SEPHS1: variants seen among roughly 807,000 people sequenced by gnomAD.
The protein encoded by SEPHS1 is zincore component SEPHS1.
SEPHS1 carries 7 observed loss-of-function variants against 39.2 expected under a neutral mutation model. The ratio of observed to expected loss-of-function variants is 0.18; its 90% CI spans 0.10 to 0.34. The LOEUF is 0.34. Among genes scored for constraint, SEPHS1 ranks in the 10% least tolerant of loss-of-function variants. SEPHS1 has a pLI of 1.00. For missense variants in SEPHS1, 253 were observed against 514.5 expected, an observed-to-expected ratio of 0.49 and a Z score of 4.92; for synonymous variants, 190 against 195.5, an observed-to-expected ratio of 0.97 and a Z score of 0.23.
chr10:13,341,877 A>T (rs1833795038), intron 2 of SEPHS1, among the ~76,000 whole-genome samples: 1 of 150,924 alleles, frequency 6.6e-6, no homozygotes, highest in Non-Finnish European at 1.5e-5. Context: ...CATGAGAATC[A>T]GGCCTGGGAG....
Position 13,319,114 on chromosome 10 carries a change from C to T in SEPHS1, c.*28G>A, listed in dbSNP as rs756686391. On this transcript the variant is annotated 3_prime_UTR_variant, in exon 9 of 9. Transcript: ENST00000327347. ...TAAGGGAAATAGATCTATTTAAAAA[C>T]AAAACCAAACAGCTATTTCTGTCTA... The T allele has an allele frequency of 1.9e-6, 3 of 1,602,956 alleles. No individual in the cohort carries two copies. The highest frequency in any genetic ancestry group is 2.6e-6 in the Non-Finnish European group (3 of 1,173,770).
chr10:13,323,649 G>A lies in SEPHS1; in HGVS notation c.752-602C>T, dbSNP rs185761841. 2.5e-3 allele frequency among the ~76,000 whole-genome samples: 386 copies of A among 152,110 alleles called. 1 individual carries two copies. Among genetic ancestry groups the A allele is most frequent in the African/African-American group, 8.5e-3 (353 of 41,512 alleles). On this transcript the variant is annotated intron_variant, in intron 7 of 8. Transcript: ENST00000327347. The stretch of plus-strand genomic sequence containing the variant: ...ATTACAGATGTGAGCCACCACACCC[G>A]GCCAAGACCAGCACTTTTTAAGAAG...
chr10:13,329,092 C>T (rs1315322567), intron 6 of SEPHS1, among the ~76,000 whole-genome samples: 1 of 152,130 alleles, frequency 6.6e-6, no homozygotes, highest in Non-Finnish European at 1.5e-5. Context: ...TGAGAATATA[C>T]CCCAATCTTA....
chr10:13,346,671 T>C (rs1833932413), intron 1 of SEPHS1, among the ~76,000 whole-genome samples: 2 of 151,994 alleles, frequency 1.3e-5, no homozygotes, highest in Non-Finnish European at 2.9e-5. Context: ...AACAAAGTCC[T>C]TTCCTCAAAA....
intron 2 of SEPHS1, among the ~76,000 whole-genome samples, chr10:13,343,397 G>GT (rs1833848252): frequency 6.6e-6 from 1 of 152,144 alleles, no homozygotes; most frequent in Non-Finnish European, 1.5e-5. Context: ...CGACTGGGGT[G>GT]TAACATTTCT....
intron 8 of SEPHS1, among the ~76,000 whole-genome samples, chr10:13,320,647 C>T (rs1833082195): frequency 1.3e-5 from 2 of 151,734 alleles, no homozygotes; most frequent in South Asian, 4.2e-4. Flanking sequence ...AGTTCAAGAC[C>T]AGCCTGGCCA....
At chr10:13,344,511 T>A (rs1293176861) in intron 2 of SEPHS1, among the ~76,000 whole-genome samples, 1 of 151,718 alleles carries the variant, frequency 6.6e-6, no homozygotes, top group East Asian at 1.9e-4. Context: ...TTCTAATCCT[T>A]CCCACAAAAA....
At chr10:13,327,499 A>G (rs1833339626) in intron 7 of SEPHS1, among the ~76,000 whole-genome samples, 1 of 152,148 alleles carries the variant, frequency 6.6e-6, no homozygotes, top group Admixed American at 6.6e-5. Context: ...TTTCTGTACT[A>G]TTTTCCATTT....
rs1383754234 is a variant in SEPHS1 at position 13,325,953 on chromosome 10, A to T, written c.751+2398T>A. 3.6e-3 allele frequency among the ~76,000 whole-genome samples: 408 copies of T among 112,266 alleles called. 14 individuals are homozygous for T. The highest frequency in any genetic ancestry group is 0.014 in the African/African-American group (375 of 26,044). The allele number at this position is 112,266 out of a possible 152,430, so 73.7% of individuals were successfully genotyped here. On this transcript the variant is annotated intron_variant, in intron 7 of 8. Transcript: ENST00000327347. Reference sequence around the variant, plus strand: ...AAAAAAGAGACTCAGTCTCAAAAAAAAAAAAAAAAAATAATAATAATAATA... The same window carrying T: ...AAAAAAGAGACTCAGTCTCAAAAAATAAAAAAAAAAATAATAATAATAATA...
chr10:13,347,977 C>A (rs890449838), intron 1 of SEPHS1, 23 bp downstream of exon 1: 2 of 148,690 alleles, frequency 1.3e-5, no homozygotes, highest in East Asian at 2.0e-4. Context: ...GCGCCTCCCC[C>A]CCGCGCCGGG....
intron 6 of SEPHS1, among the ~76,000 whole-genome samples, chr10:13,329,447 C>T (rs1223408486): frequency 6.6e-6 from 1 of 152,144 alleles, no homozygotes; most frequent in East Asian, 1.9e-4. Context: ...AAAGCTAACC[C>T]CCTGCCGAGC....
At chr10:13,323,815 C>T (rs1225563642) in intron 7 of SEPHS1, among the ~76,000 whole-genome samples, 1 of 150,760 alleles carries the variant, frequency 6.6e-6, no homozygotes, top group Non-Finnish European at 1.5e-5. Flanking sequence ...GATCATAACT[C>T]ACTGCACTTG....
intron 2 of SEPHS1, among the ~76,000 whole-genome samples, chr10:13,339,852 T>C (rs988184720): frequency 1.3e-5 from 2 of 152,182 alleles, no homozygotes; most frequent in African/African-American, 2.4e-5. Flanking sequence ...AGTCTGTGCA[T>C]GTTGAGATGC....
chr10:13,323,170 C>T (rs908511481), intron 7 of SEPHS1, 123 bp from the exon 8 acceptor site: 40 of 793,690 alleles, frequency 5.0e-5, no homozygotes, highest in East Asian at 1.1e-4. Flanking sequence ...ATAATGAAAA[C>T]GCAATGTAAA....
chr10:13,345,872 C>G (rs1833907101), intron 1 of SEPHS1, among the ~76,000 whole-genome samples: 1 of 152,192 alleles, frequency 6.6e-6, no homozygotes, highest in African/African-American at 2.4e-5. Flanking sequence ...GAGACTCCGT[C>G]TCAAATAAAA....
rs1445777352 is a variant in SEPHS1, at chr10:13,337,285, A to G, written c.298-935T>C. Among the ~76,000 whole-genome samples, 4 of 152,246 alleles carry G rather than the reference A, an allele frequency of 2.6e-5. No individual in the cohort carries two copies. The East Asian group carries it at 7.7e-4, about 29-fold the overall frequency. The stretch of plus-strand genomic sequence containing the variant: ...AAGTCATATTGTTTTCAAAAGAAAA[A>G]GAAGCATTTCCCAGTAAATGATGTC... On this transcript the variant is annotated intron_variant, in intron 3 of 8. Coordinates refer to ENST00000327347, the MANE Select transcript of SEPHS1 (RefSeq NM_012247.5).
At chr10:13,333,733 C>A in intron 5 of SEPHS1, 84 bp downstream of exon 5, 1 of 1,434,066 alleles carries the variant, frequency 7.0e-7, no homozygotes, top group African/African-American at 1.4e-5. Flanking sequence ...AGCCACTGCA[C>A]CTGACCTTAA....
chr10:13,326,406 G>A (rs931011955), intron 7 of SEPHS1, among the ~76,000 whole-genome samples: 4 of 151,708 alleles, frequency 2.6e-5, no homozygotes, highest in East Asian at 1.9e-4. Flanking sequence ...GTCGGAAGGC[G>A]GAGGTTGCGG....
At chr10:13,320,427 C>T (rs981167805) in intron 8 of SEPHS1, among the ~76,000 whole-genome samples, 29 of 151,768 alleles carry the variant, frequency 1.9e-4, no homozygotes, top group Admixed American at 1.5e-3. Flanking sequence ...GTGATCCACC[C>T]GCCTTGGCCT....
Sources: gnomAD v4.1 joint callset for allele counts (sites outside exome capture counted in the v4.1 genomes callset) on GRCh38, gnomAD v4.1.1 for gene constraint, MANE v1.5 for transcripts, NCBI Gene and HGNC (gene_info 2026-07-23, HGNC 2026-07-21) for gene names.